The following GUCD1 variants were observed in gnomAD, a reference collection of about 807,000 sequenced individuals.
The protein encoded by GUCD1 is protein GUCD1.
Under a neutral mutation model 28.3 loss-of-function variants are expected in GUCD1, and 17 were observed. That is an observed-to-expected ratio of 0.60 (90% CI 0.41 to 0.90). The LOEUF is 0.90. GUCD1 is among the 40% of genes least tolerant of loss of function. GUCD1 has a pLI of 0.00. For missense variants in GUCD1, 279 were observed against 305.5 expected (o/e 0.91, Z 0.65); for synonymous variants, 129 against 123.3 (o/e 1.05, Z -0.30).
rs546231439 is a variant in GUCD1, at chr22:24,554,603, G to C, written c.43+346C>G. Reference sequence around the variant, plus strand: ...GAGCAAGACAAAACGCCGAGTCTCGGAGGCCAGGGCACTGGCCCTTCCATT... The same window carrying C: ...GAGCAAGACAAAACGCCGAGTCTCGCAGGCCAGGGCACTGGCCCTTCCATT... On this transcript the variant is annotated intron_variant, in intron 1 of 5. Transcript: ENST00000435822. Among the ~76,000 whole-genome samples, 65 of 152,386 alleles carry C rather than the reference G, an allele frequency of 4.3e-4. 1 individual carries two copies. Among genetic ancestry groups the C allele is most frequent in the Middle Eastern group, 3.4e-3 (1 of 294 alleles).
chr22:24,553,780 T>G lies in GUCD1; in HGVS notation c.43+1169A>C, dbSNP rs192688381. ...TCTTGCCCTGCGCTCTAGAACTCCT[T>G]GATCCTGAGGCCTGGCAGGCCCCAC... On this transcript the variant is annotated intron_variant, in intron 1 of 5. Coordinates refer to ENST00000435822, the MANE Select transcript of GUCD1 (RefSeq NM_001284254.2). 1.4e-3 allele frequency among the ~76,000 whole-genome samples: 214 copies of G among 152,370 alleles called. 1 individual carries two copies. Among genetic ancestry groups the G allele is most frequent in the African/African-American group, 4.8e-3 (201 of 41,584 alleles).
intron 3 of GUCD1, 136 bp downstream of exon 3, chr22:24,547,772 C>T: frequency 3.5e-6 from 3 of 866,600 alleles, no homozygotes; most frequent in African/African-American, 1.7e-5. Flanking sequence ...TCTGCTGCTG[C>T]TCCCTGGTCT....
upstream of GUCD1, chr22:24,555,243 CT>C (rs1205505078): frequency 4.5e-6 from 6 of 1,321,916 alleles, no homozygotes; most frequent in African/African-American, 7.6e-5. Context: ...TCCCCAGCCT[CT>C]TGATTTAAGT....
rs766014189 is a variant in GUCD1, at chr22:24,544,095, A to G, written c.387-12T>C. On this transcript the variant is annotated splice_polypyrimidine_tract_variant and intron_variant, in intron 4 of 5. Coordinates refer to ENST00000435822, the MANE Select transcript of GUCD1 (RefSeq NM_001284254.2). ...TCACACTCACTGTGCTGTGGGCGGG[A>G]GGGGGGTCAGCTGGTGCTGCTGGGC... 6.2e-6 allele frequency: 10 copies of G among 1,603,410 alleles called. No individual in the cohort carries two copies. Among genetic ancestry groups the G allele is most frequent in the South Asian group, 1.1e-5 (1 of 90,826 alleles).
upstream of GUCD1, chr22:24,555,170 A>G (rs1344799846): frequency 6.2e-6 from 8 of 1,292,838 alleles, no homozygotes; most frequent in South Asian, 2.3e-5. Context: ...CAGCCCTTCC[A>G]GGTCTCGAAT....
At chr22:24,547,555 C>T (rs529347753) in intron 3 of GUCD1, among the ~76,000 whole-genome samples, 2 of 152,264 alleles carry the variant, frequency 1.3e-5, no homozygotes, top group South Asian at 2.1e-4. Flanking sequence ...AAATGATGGC[C>T]GGATGAGGTC....
At chr22:24,554,863 GGTCGCGC>G in intron 1 of GUCD1, 79 bp downstream of exon 1, 1 of 1,103,194 alleles carries the variant, frequency 9.1e-7, no homozygotes, top group African/African-American at 1.6e-5. Flanking sequence ...GTCGGCCCAA[GGTCGCGC>G]GACTGGACCC....
chr22:24,552,781 A>C (rs2044915909), intron 1 of GUCD1, among the ~76,000 whole-genome samples: 1 of 151,508 alleles, frequency 6.6e-6, no homozygotes, highest in Admixed American at 6.6e-5. Flanking sequence ...AAAAAAAAAA[A>C]AGGAAAAGGA....
intron 1 of GUCD1, among the ~76,000 whole-genome samples, chr22:24,552,080 G>A (rs111738846): frequency 1.0e-3 from 155 of 152,296 alleles, no homozygotes; most frequent in African/African-American, 3.3e-3. Context: ...GTGAGGACAC[G>A]TAGGTGGCAC....
At chr22:24,544,747 C>T (rs2044682020) in intron 4 of GUCD1, among the ~76,000 whole-genome samples, 2 of 152,172 alleles carry the variant, frequency 1.3e-5, no homozygotes, top group African/African-American at 4.8e-5. Flanking sequence ...CACAGTGGCT[C>T]ACACCTGTAA....
chr22:24,555,266 A>G, upstream of GUCD1: 1 of 1,315,272 alleles, frequency 7.6e-7, no homozygotes, highest in Non-Finnish European at 9.6e-7. Flanking sequence ...TGCTCCGGCC[A>G]TTCGCCGCCT....
chr22:24,549,668 C>G (rs941446299), intron 1 of GUCD1, among the ~76,000 whole-genome samples: 5 of 152,194 alleles, frequency 3.3e-5, no homozygotes, highest in African/African-American at 1.2e-4. Flanking sequence ...GCGTGCGCCA[C>G]CATGCCCAGC....
intron 4 of GUCD1, among the ~76,000 whole-genome samples, chr22:24,544,724 G>C (rs149208620): frequency 1.0e-3 from 157 of 152,236 alleles, no homozygotes; most frequent in African/African-American, 3.6e-3. Flanking sequence ...TGAAAACCTA[G>C]AGCAGGGCTG....
intron 4 of GUCD1, among the ~76,000 whole-genome samples, chr22:24,545,726 C>T (rs1157748355): frequency 6.6e-6 from 1 of 150,648 alleles, no homozygotes; most frequent in Non-Finnish European, 1.5e-5. Context: ...GCCTCAGCCT[C>T]CCGAGTAGCT....
chr22:24,555,361 T>G, upstream of GUCD1: 41 of 1,190,348 alleles, frequency 3.4e-5, no homozygotes, highest in East Asian at 1.1e-4. Flanking sequence ...GCCCCGCCCC[T>G]TTCTTTGAGC....
chr22:24,544,690 C>A (rs538506130), intron 4 of GUCD1, among the ~76,000 whole-genome samples: 1 of 152,144 alleles, frequency 6.6e-6, no homozygotes, highest in Non-Finnish European at 1.5e-5. Context: ...CATCCTGTGC[C>A]TTCCACTAGG....
intron 1 of GUCD1, among the ~76,000 whole-genome samples, chr22:24,551,808 A>G (rs1486348534): frequency 6.6e-6 from 1 of 152,262 alleles, no homozygotes; most frequent in East Asian, 1.9e-4. Context: ...GGCAGGTGCT[A>G]TGGTATCCTC....
intron 1 of GUCD1, among the ~76,000 whole-genome samples, chr22:24,549,944 C>G (rs2044829488): frequency 6.6e-6 from 1 of 152,212 alleles, no homozygotes; most frequent in Admixed American, 6.5e-5. Flanking sequence ...CCCAGGACCA[C>G]CAGGGTGTGA....
At position 24,540,447 on chromosome 22, in the gene GUCD1, G is replaced by C. The variant is rs758761062; in HGVS notation, c.*2559C>G. On this transcript the variant is annotated 3_prime_UTR_variant, in exon 6 of 6. Coordinates refer to ENST00000435822, the MANE Select transcript of GUCD1 (RefSeq NM_001284254.2). ...CCAGGGGCTACCACCATTTTGCAGT[G>C]AGAATAATGTTTATTGAGAATGGCT... 1 of 152,208 alleles carries C rather than the reference G, an allele frequency of 6.6e-6. No individual in the cohort carries two copies. The highest frequency in any genetic ancestry group is 1.9e-4 in the East Asian group (1 of 5,190). 9.4% of individuals were successfully genotyped at this position (152,208 alleles called of 1,614,324 possible). A position where few individuals can be genotyped will look rare whatever the true frequency, so the allele number is the denominator to read the frequency against.
Sources: gnomAD v4.1 joint callset for allele counts (sites outside exome capture counted in the v4.1 genomes callset) on GRCh38, gnomAD v4.1.1 for gene constraint, MANE v1.5 for transcripts, NCBI Gene and HGNC (gene_info 2026-07-23, HGNC 2026-07-21) for gene names.